Variants in CLSTN2 observed in about 807,000 individuals in gnomAD.
CLSTN2 encodes the protein calsyntenin-2.
CLSTN2 carries 48 observed loss-of-function variants against 101.2 expected under a neutral mutation model. That is an observed-to-expected ratio of 0.47 (90% confidence interval 0.38 to 0.60). CLSTN2 has a LOEUF of 0.60. Among genes scored for constraint, CLSTN2 ranks in the 20% least tolerant of loss-of-function variants. The pLI is 0.00. For missense variants in CLSTN2, 1,160 were observed against 1,238.2 expected, an observed-to-expected ratio of 0.94 and a Z score of 0.95; for synonymous variants, 481 against 463.6, an observed-to-expected ratio of 1.04 and a Z score of -0.48.
chr3:140,493,741 C>A (rs1445877015), intron 8 of CLSTN2, among the ~76,000 whole-genome samples: 1 of 152,190 alleles, frequency 6.6e-6, no homozygotes, highest in Non-Finnish European at 1.5e-5. Context: ...CTCTTTTATT[C>A]GTCACAGCAG....
intron 1 of CLSTN2, among the ~76,000 whole-genome samples, chr3:140,115,342 T>G (rs2009223450): frequency 6.6e-6 from 1 of 152,182 alleles, no homozygotes; most frequent in Admixed American, 6.5e-5. Context: ...GTTTACAGTG[T>G]TCAAAGATAT....
intron 9 of CLSTN2, among the ~76,000 whole-genome samples, chr3:140,538,028 G>A (rs547951777): frequency 2.8e-4 from 31 of 111,036 alleles, no homozygotes; most frequent in African/African-American, 1.6e-3. Flanking sequence ...TGTGTTAGCC[G>A]TTAATGAAAT....
At chr3:140,500,538 A>G (rs1253457454) in intron 8 of CLSTN2, among the ~76,000 whole-genome samples, 4 of 152,162 alleles carry the variant, frequency 2.6e-5, no homozygotes, top group Admixed American at 6.5e-5. Flanking sequence ...GGACCTGTCT[A>G]TTCTTTGCCT....
At chr3:140,277,226 C>T (rs893607349) in intron 2 of CLSTN2, among the ~76,000 whole-genome samples, 1 of 152,182 alleles carries the variant, frequency 6.6e-6, no homozygotes, top group African/African-American at 2.4e-5. Context: ...ATATGCTAAC[C>T]ATTTCATTGT....
intron 10 of CLSTN2, among the ~76,000 whole-genome samples, chr3:140,550,188 T>C (rs904091524): frequency 2.6e-5 from 4 of 151,594 alleles, no homozygotes; most frequent in Non-Finnish European, 5.9e-5. Context: ...CTATTAACCA[T>C]GTTTAGGTGT....
At chr3:140,082,141 T>A (rs2008608936) in intron 1 of CLSTN2, among the ~76,000 whole-genome samples, 1 of 152,198 alleles carries the variant, frequency 6.6e-6, no homozygotes, top group Admixed American at 6.5e-5. Flanking sequence ...GCAAGACTAC[T>A]GTCATAAATA....
rs1037432890 is a variant in CLSTN2 at position 140,568,071 on chromosome 3, G to A, written c.*1818G>A. 1.3e-5 allele frequency: 2 copies of A among 152,214 alleles called. No homozygotes were observed. The highest frequency in any genetic ancestry group is 4.8e-5 in the African/African-American group (2 of 41,450). The allele number at this position is 152,214 out of a possible 1,614,324, so 9.4% of individuals were successfully genotyped here. ...TGTGATGAGTAAACTGAGGCTTCGT[G>A]ATTCAATGTCTTGTTCAGAGTCATT... On this transcript the variant is annotated 3_prime_UTR_variant, in exon 17 of 17. Coordinates refer to ENST00000458420, the MANE Select transcript of CLSTN2 (RefSeq NM_022131.3).
intron 1 of CLSTN2, among the ~76,000 whole-genome samples, chr3:140,128,628 T>C (rs879223532): frequency 2.0e-5 from 3 of 152,174 alleles, no homozygotes; most frequent in Admixed American, 2.0e-4. Flanking sequence ...AAGTGTGACC[T>C]TCCTTTTGAT....
At chr3:139,967,277 T>C (rs1282030666) in intron 1 of CLSTN2, among the ~76,000 whole-genome samples, 2 of 152,208 alleles carry the variant, frequency 1.3e-5, no homozygotes, top group Admixed American at 1.3e-4. Context: ...TCCTCTGCTT[T>C]CTTCTATGAC....
chr3:140,230,021 TCTC>T (rs2086356705), intron 2 of CLSTN2, among the ~76,000 whole-genome samples: 1 of 152,128 alleles, frequency 6.6e-6, no homozygotes, highest in Non-Finnish European at 1.5e-5. Context: ...ACATCTGTCT[TCTC>T]TAGTAGCCTG....
chr3:140,403,027 T>G (rs1320742842), intron 2 of CLSTN2, among the ~76,000 whole-genome samples: 1 of 152,198 alleles, frequency 6.6e-6, no homozygotes, highest in Non-Finnish European at 1.5e-5. Context: ...TAAATAAACA[T>G]GCACTGATTG....
At chr3:140,494,342 G>A (rs1934416561) in intron 8 of CLSTN2, among the ~76,000 whole-genome samples, 3 of 152,206 alleles carry the variant, frequency 2.0e-5, no homozygotes, top group Non-Finnish European at 2.9e-5. Context: ...AGGACTGTGA[G>A]AGGTAAGAGA....
chr3:140,454,055 G>T (rs1490866379), intron 6 of CLSTN2, among the ~76,000 whole-genome samples: 1 of 152,178 alleles, frequency 6.6e-6, no homozygotes, highest in East Asian at 1.9e-4. Context: ...GATGAAGTGG[G>T]CCTTTTACTT....
chr3:140,507,724 T>TA (rs1385248520), intron 8 of CLSTN2: 2 of 152,156 alleles, frequency 1.3e-5, no homozygotes, highest in Non-Finnish European at 2.9e-5. Context: ...GACATAATGT[T>TA]ACATTTATTT....
At chr3:140,258,477 G>A (rs987033653) in intron 2 of CLSTN2, among the ~76,000 whole-genome samples, 1 of 152,030 alleles carries the variant, frequency 6.6e-6, no homozygotes, top group African/African-American at 2.4e-5. Flanking sequence ...TCATCTTCTG[G>A]CTCTCCTTAG....
At chr3:140,411,280 TATATC>T (rs1285153646) in intron 4 of CLSTN2, among the ~76,000 whole-genome samples, 1 of 152,198 alleles carries the variant, frequency 6.6e-6, no homozygotes, top group Non-Finnish European at 1.5e-5. Context: ...TAGCTATACT[TATATC>T]AAACAAAATA....
intron 2 of CLSTN2, among the ~76,000 whole-genome samples, chr3:140,345,622 T>G (rs2087539405): frequency 7.8e-6 from 1 of 127,766 alleles, no homozygotes; most frequent in African/African-American, 2.8e-5. Flanking sequence ...TTTTTTTTTT[T>G]GGTACAGGGC....
intron 8 of CLSTN2, among the ~76,000 whole-genome samples, chr3:140,526,156 A>G (rs1318635899): frequency 2.0e-5 from 3 of 152,172 alleles, no homozygotes; most frequent in Non-Finnish European, 2.9e-5. Context: ...TTCAAATGAT[A>G]TGATTCCTTA....
intron 2 of CLSTN2, among the ~76,000 whole-genome samples, chr3:140,303,554 G>T (rs1272662969): frequency 1.3e-5 from 2 of 151,958 alleles, no homozygotes; most frequent in Non-Finnish European, 2.9e-5. Context: ...AAACACAGAG[G>T]TCTCTACAGT....
Sources: allele counts gnomAD v4.1 joint callset (sites outside exome capture counted in the v4.1 genomes callset), GRCh38; gene constraint gnomAD v4.1.1; transcripts MANE v1.5; gene names NCBI Gene and HGNC (gene_info 2026-07-23, HGNC 2026-07-21).